The following PTPN14 variants were observed in gnomAD, a reference collection of about 807,000 sequenced individuals.
The protein encoded by PTPN14 is tyrosine-protein phosphatase non-receptor type 14.
Under a neutral mutation model 126.8 loss-of-function variants are expected in PTPN14, and 53 were observed. The ratio of observed to expected loss-of-function variants is 0.42; its 90% CI spans 0.34 to 0.53. The LOEUF is 0.53. PTPN14 is among the 20% of genes least tolerant of loss of function. The probability of loss-of-function intolerance (pLI) is 0.08; values close to 1 mark genes in which losing one functional copy is unlikely to be tolerated. For missense variants in PTPN14, 1,257 were observed against 1,552.9 expected, an observed-to-expected ratio of 0.81 and a Z score of 3.20; for synonymous variants, 630 against 599.3, an observed-to-expected ratio of 1.05 and a Z score of -0.75.
chr1:214,522,985 G>C (rs1571644383), intron 1 of PTPN14, among the ~76,000 whole-genome samples: 2 of 152,156 alleles, frequency 1.3e-5, no homozygotes, highest in African/African-American at 4.8e-5. Flanking sequence ...TGAAATTGTG[G>C]TGGTGATCAG....
chr1:214,532,174 T>C, intron 1 of PTPN14: 1 of 326,126 alleles, frequency 3.1e-6, no homozygotes, highest in South Asian at 3.8e-5. Context: ...TCCTGTCCTC[T>C]CGTTCTCCTC....
At chr1:214,429,176 C>T (rs1659742584) in intron 3 of PTPN14, among the ~76,000 whole-genome samples, 1 of 152,090 alleles carries the variant, frequency 6.6e-6, no homozygotes, top group Non-Finnish European at 1.5e-5. Context: ...AAGTCATGAT[C>T]ACAGATTTAA....
intron 3 of PTPN14, among the ~76,000 whole-genome samples, chr1:214,416,230 T>C (rs547872103): frequency 1.7e-4 from 26 of 152,240 alleles, no homozygotes; most frequent in Non-Finnish European, 3.4e-4. Flanking sequence ...ATCATGTTTT[T>C]GTCTAGTGTA....
intron 1 of PTPN14, among the ~76,000 whole-genome samples, chr1:214,523,421 ATACTTACCATTATGT>A (rs1655309088): frequency 6.6e-6 from 1 of 152,196 alleles, no homozygotes; most frequent in Non-Finnish European, 1.5e-5. Context: ...CGATACACAG[ATACTTACCATTATGT>A]TACAACTGTC....
rs1159209240 is a variant in PTPN14, at chr1:214,436,786, C to CAAAAAAAAAAAAA, written c.344+15006_344+15018dup. ...TGGGCGACAGAGAAAGACTCCGTCTCAAAAAAAAAAAAAAAAAAAAAAAAA... is the reference window on the plus strand; with the variant it reads ...TGGGCGACAGAGAAAGACTCCGTCTCAAAAAAAAAAAAAAAAAAAAAAAAAAAAAAAAAAAAAA... On this transcript the variant is annotated intron_variant, in intron 3 of 18. Transcript: ENST00000366956. Among the ~76,000 whole-genome samples, 41 of 46,598 alleles carry CAAAAAAAAAAAAA rather than the reference C, an allele frequency of 8.8e-4. 1 individual carries two copies. Among genetic ancestry groups the CAAAAAAAAAAAAA allele is most frequent in the African/African-American group, 3.1e-3 (40 of 13,012 alleles). The allele number at this position is 46,598 out of a possible 152,430, so 30.6% of individuals were successfully genotyped here.
chr1:214,447,879 AAC>A (rs2102629011), intron 3 of PTPN14, among the ~76,000 whole-genome samples: 1 of 152,362 alleles, frequency 6.6e-6, no homozygotes, highest in Non-Finnish European at 1.5e-5. Context: ...AAATGTCAGC[AAC>A]ACAGTTTGCT....
chr1:214,372,602 C>G lies in PTPN14; in HGVS notation c.3036+109G>C. Reference sequence around the variant, plus strand: ...AAAGAGAAAAGCATGTGCAGAGAAACAGCACTGCAGGAAGAAGGATAGGGT... The same window carrying G: ...AAAGAGAAAAGCATGTGCAGAGAAAGAGCACTGCAGGAAGAAGGATAGGGT... On this transcript the variant is annotated intron_variant, in intron 16 of 18. Coordinates refer to ENST00000366956, the MANE Select transcript of PTPN14 (RefSeq NM_005401.5). 2.7e-6 allele frequency: 4 copies of G among 1,467,842 alleles called. No homozygotes were observed. The South Asian group carries it at 3.5e-5, about 13-fold the overall frequency. 90.9% of individuals were successfully genotyped at this position (1,467,842 alleles called of 1,614,324 possible).
chr1:214,523,676 C>T (rs980068890), intron 1 of PTPN14, among the ~76,000 whole-genome samples: 2 of 152,108 alleles, frequency 1.3e-5, no homozygotes, highest in Non-Finnish European at 2.9e-5. Flanking sequence ...TTTCAGTGAC[C>T]CCACTTCCGG....
At chr1:214,465,090 C>T (rs1390554553) in intron 1 of PTPN14, 133 bp from the exon 2 acceptor site, 1 of 398,736 alleles carries the variant, frequency 2.5e-6, no homozygotes. Context: ...TGATAAGCTG[C>T]AAGTTCTGGA....
At chr1:214,532,247 C>T in intron 1 of PTPN14, 1 of 424,178 alleles carries the variant, frequency 2.4e-6, no homozygotes, top group Non-Finnish European at 4.5e-6. Context: ...TCCCTGGGCT[C>T]TGTCCAGCCG....
chr1:214,418,148 G>A (rs79185959), intron 3 of PTPN14, among the ~76,000 whole-genome samples: 61 of 152,272 alleles, frequency 4.0e-4, no homozygotes, highest in African/African-American at 1.4e-3. Flanking sequence ...GCCAGTGACC[G>A]GTTCTCCACC....
chr1:214,483,518 T>G, intron 1 of PTPN14: 1 of 653,606 alleles, frequency 1.5e-6, no homozygotes, highest in Non-Finnish European at 2.7e-6. Flanking sequence ...TCTTGAAGTT[T>G]CTTCTTTGTA....
At chr1:214,469,948 T>A (rs954027263) in intron 1 of PTPN14, among the ~76,000 whole-genome samples, 2 of 152,158 alleles carry the variant, frequency 1.3e-5, no homozygotes, top group Non-Finnish European at 2.9e-5. Flanking sequence ...TATATAGTTT[T>A]ATTGATCTAT....
intron 4 of PTPN14, among the ~76,000 whole-genome samples, chr1:214,413,437 G>A (rs1659353687): frequency 2.0e-5 from 3 of 152,178 alleles, no homozygotes; most frequent in Admixed American, 1.3e-4. Flanking sequence ...AATGAAAGAG[G>A]TCAGGAGAAG....
At chr1:214,464,536 CA>C in intron 2 of PTPN14, 93 bp downstream of exon 2, 2 of 1,480,126 alleles carry the variant, frequency 1.4e-6, no homozygotes, top group Admixed American at 2.1e-5. Context: ...CAACAGATGC[CA>C]AAAAACAGAT....
chr1:214,482,579 GA>G (rs56404750), intron 1 of PTPN14, among the ~76,000 whole-genome samples: 102,483 of 149,690 alleles, frequency 0.68, 35,867 homozygotes, highest in Middle Eastern at 0.82. Context: ...GTTTAGAAAA[GA>G]AAAAAAAAAA....
chr1:214,506,571 TG>T (rs1408661130), intron 1 of PTPN14, among the ~76,000 whole-genome samples: 1 of 148,236 alleles, frequency 6.7e-6, no homozygotes, highest in Non-Finnish European at 1.5e-5. Context: ...GTTTACAGAA[TG>T]TTTTTTAAGT....
chr1:214,422,983 T>C (rs184042327), intron 3 of PTPN14, among the ~76,000 whole-genome samples: 5 of 152,170 alleles, frequency 3.3e-5, no homozygotes, highest in Admixed American at 1.3e-4. Flanking sequence ...CTCGAGACTA[T>C]GACAAAAATG....
intron 1 of PTPN14, among the ~76,000 whole-genome samples, chr1:214,512,356 C>T (rs1174331262): frequency 6.6e-6 from 1 of 152,140 alleles, no homozygotes; most frequent in Non-Finnish European, 1.5e-5. Context: ...GCTGCTTCTC[C>T]ATGTGGCCCT....
Sources: allele counts gnomAD v4.1 joint callset (sites outside exome capture counted in the v4.1 genomes callset), GRCh38; gene constraint gnomAD v4.1.1; transcripts MANE v1.5; gene names NCBI Gene and HGNC (gene_info 2026-07-23, HGNC 2026-07-21).